The following TFCP2L1 variants were observed in gnomAD, a reference collection of about 807,000 sequenced individuals.
TFCP2L1 encodes the protein transcription factor CP2 like 1.
A neutral mutation model predicts 72.2 loss-of-function variants in TFCP2L1; 12 were observed. The ratio of observed to expected loss-of-function variants is 0.17; its 90% CI spans 0.11 to 0.27. The LOEUF is 0.27. TFCP2L1 is among the 10% of genes least tolerant of loss of function. TFCP2L1 has a pLI of 1.00. For synonymous variants in TFCP2L1, 260 were observed against 251.0 expected (o/e 1.04, Z -0.34); for missense variants, 488 against 624.6 (o/e 0.78, Z 2.33).
intron 2 of TFCP2L1, among the ~76,000 whole-genome samples, chr2:121,265,008 C>A (rs1050580122): frequency 7.9e-5 from 12 of 152,136 alleles, no homozygotes; most frequent in African/African-American, 2.9e-4. Flanking sequence ...CATAGGTCCA[C>A]ACAAAAATGT....
At chr2:121,248,330 G>T in intron 4 of TFCP2L1, 60 bp from the exon 5 acceptor site, 1 of 1,379,620 alleles carries the variant, frequency 7.2e-7, no homozygotes, top group Non-Finnish European at 1.0e-6. Flanking sequence ...AATATTTAGG[G>T]AAAGACCCCT....
Position 121,232,006 on chromosome 2 carries a change from C to T in TFCP2L1, c.1199-38G>A, listed in dbSNP as rs28441063. On this transcript the variant is annotated intron_variant, in intron 12 of 14. Transcript: ENST00000263707. ...GGAGCAAGTGCTGCTTTCCAAGTGGCCATTCTGTCAGTGTGAGCCTCCCAC... is the reference window on the plus strand; with the variant it reads ...GGAGCAAGTGCTGCTTTCCAAGTGGTCATTCTGTCAGTGTGAGCCTCCCAC... 6,853 of 1,545,176 alleles carry T rather than the reference C, an allele frequency of 4.4e-3. 219 individuals carry two copies. The African/African-American group carries it at 0.068, about 15-fold the overall frequency.
chr2:121,265,833 C>G (rs926893721), intron 2 of TFCP2L1, among the ~76,000 whole-genome samples: 8 of 150,782 alleles, frequency 5.3e-5, no homozygotes, highest in Admixed American at 2.0e-4. Flanking sequence ...TCATTCAGAG[C>G]AGACTCTGTA....
intron 2 of TFCP2L1, among the ~76,000 whole-genome samples, chr2:121,274,253 A>T (rs1314395961): frequency 2.0e-5 from 3 of 152,130 alleles, no homozygotes; most frequent in Non-Finnish European, 1.5e-5. Context: ...GATTTTCTAA[A>T]TATTTACAGA....
chr2:121,260,878 C>G (rs1247494892), intron 2 of TFCP2L1, among the ~76,000 whole-genome samples: 1 of 152,190 alleles, frequency 6.6e-6, no homozygotes, highest in Non-Finnish European at 1.5e-5. Context: ...CCCGAGCTAG[C>G]CAAGATTTAC....
chr2:121,259,653 T>C (rs1008091057), intron 2 of TFCP2L1, among the ~76,000 whole-genome samples: 1 of 152,222 alleles, frequency 6.6e-6, no homozygotes, highest in African/African-American at 2.4e-5. Flanking sequence ...GTTATAGATG[T>C]AAAAAGCCAT....
intron 14 of TFCP2L1, 83 bp from the exon 15 acceptor site, chr2:121,224,470 T>C: frequency 6.9e-7 from 1 of 1,453,026 alleles, no homozygotes; most frequent in East Asian, 2.3e-5. Flanking sequence ...AGGCACGCTG[T>C]TAGGGTATCA....
intron 13 of TFCP2L1, among the ~76,000 whole-genome samples, chr2:121,230,986 T>A (rs1159857592): frequency 6.6e-6 from 1 of 152,118 alleles, no homozygotes; most frequent in Non-Finnish European, 1.5e-5. Flanking sequence ...CCTTACAGGC[T>A]CAGAGCTTGG....
At chr2:121,237,367 G>T (rs1010401561) in intron 10 of TFCP2L1, among the ~76,000 whole-genome samples, 17 of 152,214 alleles carry the variant, frequency 1.1e-4, no homozygotes, top group Non-Finnish European at 2.5e-4. Context: ...CCCCCCGCAG[G>T]TGAGGAGATC....
chr2:121,270,334 A>G (rs1008607297), intron 2 of TFCP2L1, among the ~76,000 whole-genome samples: 2 of 152,232 alleles, frequency 1.3e-5, no homozygotes, highest in East Asian at 1.9e-4. Flanking sequence ...GAGACTGGAA[A>G]AAGATAAGGG....
intron 10 of TFCP2L1, 145 bp downstream of exon 10, chr2:121,237,478 C>CCCAACCCTGATA (rs1166548926): frequency 2.3e-6 from 2 of 886,730 alleles, no homozygotes; most frequent in Admixed American, 2.2e-5. Flanking sequence ...GGTTGGGGCA[C>CCCAACCCTGATA]GTGAGCGAGC....
intron 2 of TFCP2L1, among the ~76,000 whole-genome samples, chr2:121,275,929 A>C (rs1053472697): frequency 1.3e-5 from 2 of 152,208 alleles, no homozygotes; most frequent in African/African-American, 4.8e-5. Context: ...GGAACGGCTA[A>C]AAAGAATACT....
Position 121,224,054 on chromosome 2 carries a change from T to A in TFCP2L1, c.*287A>T. The A allele has an allele frequency of 2.0e-6, 1 of 490,104 alleles. No individual in the cohort carries two copies. The highest frequency in any genetic ancestry group is 2.6e-5 in the South Asian group (1 of 38,004). 30.4% of individuals were successfully genotyped at this position (490,104 alleles called of 1,614,324 possible). On this transcript the variant is annotated 3_prime_UTR_variant, in exon 15 of 15. Transcript: ENST00000263707. Reference sequence around the variant, plus strand: ...GGGATTTCAGAGCAGACGTCTCCACTGTTTGCCCTTTTAGAACGTCAGGGT... The same window carrying A: ...GGGATTTCAGAGCAGACGTCTCCACAGTTTGCCCTTTTAGAACGTCAGGGT...
intron 2 of TFCP2L1, among the ~76,000 whole-genome samples, chr2:121,256,193 C>T (rs1219895456): frequency 1.3e-5 from 2 of 152,186 alleles, no homozygotes; most frequent in Non-Finnish European, 2.9e-5. Flanking sequence ...TGTAACCATG[C>T]CGTGGCATAA....
intron 13 of TFCP2L1, among the ~76,000 whole-genome samples, chr2:121,227,407 C>T (rs565608603): frequency 4.6e-5 from 7 of 152,292 alleles, no homozygotes; most frequent in African/African-American, 1.7e-4. Context: ...ACAGGCCGGG[C>T]GCGGTGGCTC....
intron 14 of TFCP2L1, among the ~76,000 whole-genome samples, chr2:121,225,117 T>C (rs998667785): frequency 1.4e-4 from 21 of 152,080 alleles, no homozygotes; most frequent in African/African-American, 3.9e-4. Flanking sequence ...ACCCCAACCC[T>C]TAGGAAGGCC....
chr2:121,239,962 G>GA, intron 7 of TFCP2L1: 3 of 876,606 alleles, frequency 3.4e-6, no homozygotes, highest in South Asian at 1.0e-4. Context: ...CCACGAGAGA[G>GA]AAAAAACGAA....
At chr2:121,283,861 TCTC>T (rs1470215156) in intron 1 of TFCP2L1, among the ~76,000 whole-genome samples, 1 of 152,218 alleles carries the variant, frequency 6.6e-6, no homozygotes, top group African/African-American at 2.4e-5. Flanking sequence ...GTGATTAACA[TCTC>T]CTCCTGGGCT....
chr2:121,237,270 C>T (rs142928577), intron 10 of TFCP2L1, among the ~76,000 whole-genome samples: 1 of 152,336 alleles, frequency 6.6e-6, no homozygotes, highest in Non-Finnish European at 1.5e-5. Flanking sequence ...ATGTGAGGAG[C>T]AGTATTTGGG....
Sources: gnomAD v4.1 joint callset for allele counts (sites outside exome capture counted in the v4.1 genomes callset) on GRCh38, gnomAD v4.1.1 for gene constraint, MANE v1.5 for transcripts, NCBI Gene and HGNC (gene_info 2026-07-23, HGNC 2026-07-21) for gene names.